Variants in NR3C1 observed in about 807,000 individuals in gnomAD.
NR3C1 encodes glucocorticoid receptor.
In NR3C1, 14 loss-of-function variants were observed where a neutral mutation model predicts 74.0. The observed-to-expected ratio is 0.19, with a 90% confidence interval of 0.12 to 0.30. The LOEUF (loss-of-function observed/expected upper bound fraction) is 0.30, where lower values mean the gene tolerates loss of function less well. Among genes scored for constraint, NR3C1 ranks in the 10% least tolerant of loss-of-function variants. The probability of loss-of-function intolerance (pLI) is 1.00; values close to 1 mark genes in which losing one functional copy is unlikely to be tolerated. For synonymous variants in NR3C1, 308 were observed against 332.5 expected, an observed-to-expected ratio of 0.93 and a Z score of 0.80; for missense variants, 695 against 909.8, an observed-to-expected ratio of 0.76 and a Z score of 3.04.
intron 2 of NR3C1, among the ~76,000 whole-genome samples, chr5:143,377,793 C>A (rs934352786): frequency 6.6e-6 from 1 of 152,188 alleles, no homozygotes; most frequent in Non-Finnish European, 1.5e-5. Context: ...CTGTCTTTCC[C>A]AAATTAAGAG....
intron 2 of NR3C1, among the ~76,000 whole-genome samples, chr5:143,315,126 C>T (rs918564545): frequency 2.0e-5 from 3 of 152,058 alleles, no homozygotes; most frequent in African/African-American, 7.3e-5. Context: ...CAATATTCAC[C>T]AAGTCTTAAC....
intron 2 of NR3C1, among the ~76,000 whole-genome samples, chr5:143,351,270 T>C (rs919114054): frequency 2.6e-5 from 4 of 152,190 alleles, no homozygotes; most frequent in African/African-American, 9.7e-5. Context: ...AAAAACATAA[T>C]GGTTCTCTAC....
intron 2 of NR3C1, among the ~76,000 whole-genome samples, chr5:143,343,853 C>G (rs770049389): frequency 2.0e-5 from 3 of 152,176 alleles, no homozygotes; most frequent in Non-Finnish European, 4.4e-5. Flanking sequence ...TATCACTATG[C>G]TCTTTCAAAT....
At chr5:143,405,376 C>T (rs1841048959), upstream of NR3C1, 1 of 984,516 alleles carries the variant, frequency 1.0e-6, no homozygotes, top group African/African-American at 1.7e-5. Context: ...CCTGCTCTGA[C>T]ATCTTGAAGA....
At chr5:143,412,270 G>A (rs1474431992) in intron 1 of NR3C1, among the ~76,000 whole-genome samples, 2 of 138,894 alleles carry the variant, frequency 1.4e-5, no homozygotes, top group East Asian at 5.0e-4. Context: ...GTGCAGGGGG[G>A]GAGGGGGGAG....
In NR3C1 at chr5:143,300,469, A is replaced by C; in HGVS notation, c.1747+16T>G. The C allele has an allele frequency of 6.2e-7, 1 of 1,614,124 alleles. No individual in the cohort carries two copies. Among genetic ancestry groups the C allele is most frequent in the Non-Finnish European group, 8.5e-7 (1 of 1,179,968 alleles). On this transcript the variant is annotated intron_variant, in intron 5 of 8. Coordinates refer to ENST00000394464, the MANE Select transcript of NR3C1 (RefSeq NM_000176.3). This position sits in a 1 kb window ranked among gnomAD's most constrained non-coding sequence, Gnocchi z 5.2. ...CAAAGGTTTATATAGTTGCTCTTTT[A>C]TGTTTTGCATCTTACCTGGTATTGC... is the stretch of plus-strand genomic sequence containing the variant.
intron 5 of NR3C1, among the ~76,000 whole-genome samples, chr5:143,299,448 C>T (rs190398327): frequency 4.6e-5 from 7 of 151,706 alleles, no homozygotes; most frequent in South Asian, 4.2e-4. Flanking sequence ...TACCAGTGAC[C>T]GGGAAAGATA....
chr5:143,351,311 C>T (rs1315841480), intron 2 of NR3C1, among the ~76,000 whole-genome samples: 1 of 152,106 alleles, frequency 6.6e-6, no homozygotes, highest in Non-Finnish European at 1.5e-5. Flanking sequence ...AACCTCTTAG[C>T]ATGATGTTCA....
intron 2 of NR3C1, among the ~76,000 whole-genome samples, chr5:143,316,265 A>G (rs1014915486): frequency 2.0e-5 from 3 of 152,176 alleles, no homozygotes; most frequent in Non-Finnish European, 4.4e-5. Context: ...TCTGGCTTCT[A>G]TTCTGAAGAT....
rs985269874 is a variant in NR3C1, at chr5:143,278,324, T to C, written c.*3565A>G. 3.9e-5 allele frequency: 6 copies of C among 152,176 alleles called. No individual in the cohort carries two copies. Among genetic ancestry groups the C allele is most frequent in the Admixed American group, 2.0e-4 (3 of 15,262 alleles). The allele number at this position is 152,176 out of a possible 1,614,324, so 9.4% of individuals were successfully genotyped here. A position where few individuals can be genotyped will look rare whatever the true frequency, so the allele number is the denominator to read the frequency against. On this transcript the variant is annotated 3_prime_UTR_variant, in exon 9 of 9. Coordinates refer to ENST00000394464, the MANE Select transcript of NR3C1 (RefSeq NM_000176.3). ...ATTATATAGCATTTAATATACAAAA[T>C]AGAATATTGACACACTTGAATCTAT...
At chr5:143,409,993 C>G (rs767639552) in intron 1 of NR3C1, among the ~76,000 whole-genome samples, 1 of 152,130 alleles carries the variant, frequency 6.6e-6, no homozygotes, top group African/African-American at 2.4e-5. Flanking sequence ...TTAAGCAATA[C>G]CTGATTCAAG....
intron 4 of NR3C1, among the ~76,000 whole-genome samples, chr5:143,307,838 A>G (rs994752870): frequency 2.6e-5 from 4 of 152,228 alleles, no homozygotes; most frequent in Non-Finnish European, 5.9e-5. Context: ...CTGGTATCTA[A>G]GAAAGTGGGG....
At chr5:143,410,012 A>C (rs979118812) in intron 1 of NR3C1, among the ~76,000 whole-genome samples, 9 of 152,236 alleles carry the variant, frequency 5.9e-5, no homozygotes, top group African/African-American at 1.7e-4. Context: ...AGGATGAGGC[A>C]GCTATCAGCA....
At chr5:143,296,381 ATAAAT>A (rs141755899) in intron 6 of NR3C1, among the ~76,000 whole-genome samples, 15,825 of 152,032 alleles carry the variant, frequency 0.1, 1,086 homozygotes, top group Non-Finnish European at 0.15. Flanking sequence ...TTTATATAAA[ATAAAT>A]TAGACATGAC....
At chr5:143,412,390 C>G (rs1439421292) in intron 1 of NR3C1, among the ~76,000 whole-genome samples, 2 of 152,228 alleles carry the variant, frequency 1.3e-5, no homozygotes, top group Non-Finnish European at 1.5e-5. Flanking sequence ...TTGTTCATCT[C>G]CATGCCTTGA....
chr5:143,284,734 AAAACTGGACAAC>A (rs1212849330), intron 7 of NR3C1, among the ~76,000 whole-genome samples: 19 of 152,152 alleles, frequency 1.2e-4, no homozygotes, highest in African/African-American at 4.6e-4. Flanking sequence ...CTCCTACTGG[AAAACTGGACAAC>A]AAGCAATACA....
Position 143,282,772 on chromosome 5 carries a change from CTTTTCT to C in NR3C1, c.2024-53_2024-48del, listed in dbSNP as rs372363696. 6.1e-4 allele frequency: 886 copies of C among 1,452,752 alleles called. 4 individuals are homozygous for C. In the East Asian group the frequency reaches 0.015, roughly 24 times the overall value. The allele number at this position is 1,452,752 out of a possible 1,614,324, so 90.0% of individuals were successfully genotyped here. A position where few individuals can be genotyped will look rare whatever the true frequency, so the allele number is the denominator to read the frequency against. ...AGTTAAAGGATTTTCTTTTTCTTTT[CTTTTCT>C]TTTTTTTTTTTTTTTGAGATAGATA... On this transcript the variant is annotated intron_variant, in intron 7 of 8. Transcript: ENST00000394464.
At chr5:143,375,346 G>A (rs1834998124) in intron 2 of NR3C1, among the ~76,000 whole-genome samples, 3 of 152,086 alleles carry the variant, frequency 2.0e-5, no homozygotes, top group South Asian at 2.1e-4. Flanking sequence ...ATGTACACTC[G>A]TACAAAGATA....
At chr5:143,379,729 A>C (rs913243780) in intron 2 of NR3C1, among the ~76,000 whole-genome samples, 3 of 152,114 alleles carry the variant, frequency 2.0e-5, no homozygotes, top group Non-Finnish European at 4.4e-5. Flanking sequence ...TTGTAACTCT[A>C]ATGCTACTGT....
Sources: gnomAD v4.1 joint callset for allele counts (sites outside exome capture counted in the v4.1 genomes callset) on GRCh38, gnomAD v4.1.1 for gene constraint, Gnocchi (gnomAD v3.1) non-coding constraint, MANE v1.5 for transcripts, NCBI Gene and HGNC (gene_info 2026-07-23, HGNC 2026-07-21) for gene names.